TAF4B: variants seen among roughly 807,000 people sequenced by gnomAD.
TAF4B encodes TATA-box binding protein associated factor 4b.
TAF4B carries 38 observed loss-of-function variants against 86.4 expected under a neutral mutation model. That is an observed-to-expected ratio of 0.44 (90% confidence interval 0.34 to 0.58). The LOEUF is 0.58. TAF4B is among the 20% of genes least tolerant of loss of function. TAF4B has a pLI of 0.02. For missense variants in TAF4B, 988 were observed against 1,027.6 expected (o/e 0.96, Z 0.53); for synonymous variants, 388 against 391.2 (o/e 0.99, Z 0.10).
intron 1 of TAF4B, among the ~76,000 whole-genome samples, chr18:26,263,217 G>C (rs752047436): frequency 7.9e-5 from 12 of 152,192 alleles, no homozygotes; most frequent in Non-Finnish European, 1.5e-4. Flanking sequence ...GCCTGCCAAA[G>C]TGTTGGGATT....
intron 3 of TAF4B, among the ~76,000 whole-genome samples, chr18:26,272,406 C>T (rs1049703686): frequency 6.6e-6 from 1 of 152,018 alleles, no homozygotes. Flanking sequence ...GCCCGCGGCA[C>T]AGGGGTTGGG....
chr18:26,357,408 A>G (rs897777635), intron 13 of TAF4B, among the ~76,000 whole-genome samples: 12 of 152,136 alleles, frequency 7.9e-5, no homozygotes, highest in Non-Finnish European at 1.8e-4. Flanking sequence ...GGCATTTCTT[A>G]TCTGTGTTAT....
chr18:26,251,666 A>C (rs1260178671), intron 1 of TAF4B, among the ~76,000 whole-genome samples: 2 of 152,190 alleles, frequency 1.3e-5, no homozygotes, highest in Non-Finnish European at 2.9e-5. Flanking sequence ...TTATGATTGG[A>C]AAAAGTGAGT....
intron 13 of TAF4B, among the ~76,000 whole-genome samples, chr18:26,345,056 G>A (rs1422101622): frequency 6.6e-6 from 1 of 152,122 alleles, no homozygotes; most frequent in Non-Finnish European, 1.5e-5. Flanking sequence ...ACCCAGTTTG[G>A]AGAGCTACCA....
At chr18:26,253,601 G>A (rs1053370193) in intron 1 of TAF4B, among the ~76,000 whole-genome samples, 3 of 152,118 alleles carry the variant, frequency 2.0e-5, no homozygotes, top group Admixed American at 6.5e-5. Context: ...GAGTTGGGAC[G>A]TGTTCCCTGC....
At chr18:26,389,766 T>G in intron 14 of TAF4B, 79 bp from the exon 15 acceptor site, 1 of 1,476,776 alleles carries the variant, frequency 6.8e-7, no homozygotes, top group Non-Finnish European at 9.2e-7. Flanking sequence ...GGTAGTGGGC[T>G]CTGACATGCT....
At chr18:26,240,613 A>T (rs1316088003) in intron 1 of TAF4B, among the ~76,000 whole-genome samples, 1 of 152,218 alleles carries the variant, frequency 6.6e-6, no homozygotes, top group African/African-American at 2.4e-5. Flanking sequence ...CAGAACTTCC[A>T]ACACTATGTT....
intron 9 of TAF4B, among the ~76,000 whole-genome samples, chr18:26,297,062 C>T (rs922318896): frequency 1.3e-5 from 2 of 151,476 alleles, no homozygotes; most frequent in Admixed American, 1.3e-4. Context: ...TCAGTTGAAC[C>T]CTGGGAGGTT....
At chr18:26,245,887 G>A (rs904621498) in intron 1 of TAF4B, among the ~76,000 whole-genome samples, 5 of 152,088 alleles carry the variant, frequency 3.3e-5, no homozygotes, top group African/African-American at 1.2e-4. Flanking sequence ...TTGCCTATTC[G>A]CAGGCGTTGA....
At chr18:26,372,091 T>C (rs899054674) in intron 14 of TAF4B, among the ~76,000 whole-genome samples, 1 of 152,184 alleles carries the variant, frequency 6.6e-6, no homozygotes, top group Non-Finnish European at 1.5e-5. Flanking sequence ...AACATGGTTA[T>C]TTCCCCATTC....
chr18:26,328,313 G>A (rs2057022343), intron 12 of TAF4B, among the ~76,000 whole-genome samples: 1 of 152,028 alleles, frequency 6.6e-6, no homozygotes, highest in South Asian at 2.1e-4. Context: ...GCCGGGTGTG[G>A]TGGTGCACGC....
rs566350125 is a variant in TAF4B at position 26,364,470 on chromosome 18, G to C, written c.2421+6676G>C. ...TTTAGAGTATTTGTATGTGTGTATT[G>C]TTTATATGTATTGTATCGGTGATGT... On this transcript the variant is annotated intron_variant, in intron 14 of 14. Transcript: ENST00000269142. Among the ~76,000 whole-genome samples the C allele has an allele frequency of 4.7e-4, 69 of 146,962 alleles. 1 individual carries two copies. Among genetic ancestry groups the C allele is most frequent in the African/African-American group, 1.6e-3 (66 of 41,134 alleles).
chr18:26,387,694 G>A (rs559108610), intron 14 of TAF4B, among the ~76,000 whole-genome samples: 1 of 152,256 alleles, frequency 6.6e-6, no homozygotes, highest in South Asian at 2.1e-4. Flanking sequence ...TGGGCTCTGG[G>A]ATAAGTAGCC....
intron 9 of TAF4B, among the ~76,000 whole-genome samples, chr18:26,308,873 C>CGG (rs2056824244): frequency 2.2e-5 from 2 of 92,158 alleles, no homozygotes; most frequent in Non-Finnish European, 3.9e-5. Context: ...GAGTGAGACT[C>CGG]TGTCTCAAAA....
intron 11 of TAF4B, among the ~76,000 whole-genome samples, chr18:26,322,854 T>C (rs910234826): frequency 6.6e-6 from 1 of 152,158 alleles, no homozygotes; most frequent in African/African-American, 2.4e-5. Flanking sequence ...ATCTTCCTTT[T>C]ATAATGTAGG....
intron 13 of TAF4B, among the ~76,000 whole-genome samples, chr18:26,347,035 G>A (rs773200304): frequency 2.7e-5 from 4 of 147,612 alleles, no homozygotes; most frequent in East Asian, 2.0e-4. Context: ...ATTCTCCTGC[G>A]TCAGCCTCCC....
chr18:26,257,844 T>TGTGC (rs2056107584), intron 1 of TAF4B, among the ~76,000 whole-genome samples: 1 of 19,338 alleles, frequency 5.2e-5, no homozygotes, highest in South Asian at 8.5e-4. Flanking sequence ...TCTGCGTGCG[T>TGTGC]GTGTGTGTGT....
intron 3 of TAF4B, among the ~76,000 whole-genome samples, chr18:26,269,014 G>A (rs1169741347): frequency 6.6e-6 from 1 of 151,884 alleles, no homozygotes; most frequent in African/African-American, 2.4e-5. Flanking sequence ...AGTAGGGATG[G>A]GGTTTCACCA....
At chr18:26,272,273 G>C (rs1884655763) in intron 3 of TAF4B, among the ~76,000 whole-genome samples, 1 of 152,192 alleles carries the variant, frequency 6.6e-6, no homozygotes, top group African/African-American at 2.4e-5. Context: ...CAGTTCACGA[G>C]AAGGTTCATG....
Sources: gnomAD v4.1 joint callset for allele counts (sites outside exome capture counted in the v4.1 genomes callset) on GRCh38, gnomAD v4.1.1 for gene constraint, MANE v1.5 for transcripts, NCBI Gene and HGNC (gene_info 2026-07-23, HGNC 2026-07-21) for gene names.